Variants in MINDY3 observed in about 807,000 individuals in gnomAD.
MINDY3 encodes MINDY lysine 48 deubiquitinase 3, also known as ubiquitin carboxyl-terminal hydrolase MINDY-3.
A neutral mutation model predicts 69.2 loss-of-function variants in MINDY3; 38 were observed. The ratio of observed to expected loss-of-function variants is 0.55; its 90% CI spans 0.42 to 0.72. MINDY3 has a LOEUF of 0.72. MINDY3 is among the 30% of genes least tolerant of loss of function. The pLI is 0.00. For missense variants in MINDY3, 522 were observed against 519.0 expected (o/e 1.01, Z -0.06); for synonymous variants, 192 against 180.1 (o/e 1.07, Z -0.53).
intron 1 of MINDY3, among the ~76,000 whole-genome samples, chr10:15,858,416 A>G (rs1422989086): frequency 1.3e-5 from 2 of 152,216 alleles, no homozygotes; most frequent in African/African-American, 4.8e-5. Flanking sequence ...AATTGTCAGG[A>G]AAAAGCCAAA....
rs578146605 is a variant in MINDY3, at chr10:15,799,371, G to T, written c.883-3199C>A. Among the ~76,000 whole-genome samples, 357 of 151,946 alleles carry T rather than the reference G, an allele frequency of 2.3e-3. 1 individual carries two copies. Among genetic ancestry groups the T allele is most frequent in the Non-Finnish European group, 4.0e-3 (275 of 67,956 alleles). ...CCACCACCATGCCCGGCTAATTTTT[G>T]TATTTTTAGTAGAGACCGGGTTTCA... On this transcript the variant is annotated intron_variant, in intron 10 of 14. Coordinates refer to ENST00000277632, the MANE Select transcript of MINDY3 (RefSeq NM_024948.4).
chr10:15,797,636 G>T (rs968519630), intron 10 of MINDY3, among the ~76,000 whole-genome samples: 1 of 152,016 alleles, frequency 6.6e-6, no homozygotes, highest in Non-Finnish European at 1.5e-5. Flanking sequence ...CACCAGAGTG[G>T]GATGGCTGGG....
chr10:15,792,633 A>G (rs960882442), intron 11 of MINDY3, among the ~76,000 whole-genome samples: 5 of 152,134 alleles, frequency 3.3e-5, no homozygotes, highest in African/African-American at 1.2e-4. Context: ...ATTCTTAAAG[A>G]TTAAAAAAAT....
intron 6 of MINDY3, 48 bp downstream of exon 6, chr10:15,837,156 A>G: frequency 9.7e-7 from 1 of 1,029,794 alleles, no homozygotes; most frequent in Non-Finnish European, 1.5e-6. Flanking sequence ...GAAAAACAGC[A>G]CTGAACAACA....
chr10:15,779,034 A>T lies in MINDY3; in HGVS notation c.1296T>A (p.Ile432=). ...AGCGATCTGTGGTCCAGAGTAACTC[A>T]ATGTATGGCCATTTGGTTTGCAGAC... ...KRCLQTKWPY[I]ELLWTTDRSP... is the part of the protein sequence containing the mutation. Residue 432 remains isoleucine (I), a synonymous_variant, in exon 15 of 15, where the codon ATT becomes ATA. Transcript: ENST00000277632. The T allele has an allele frequency of 6.2e-7, 1 of 1,613,600 alleles. No individual in the cohort carries two copies. Among genetic ancestry groups the T allele is most frequent in the South Asian group, 1.1e-5 (1 of 91,046 alleles).
Position 15,846,365 on chromosome 10 carries a change from T to G in MINDY3, c.174+1499A>C, listed in dbSNP as rs80333123. 8.0e-3 allele frequency among the ~76,000 whole-genome samples: 1,222 copies of G among 152,298 alleles called. 12 individuals are homozygous for G. The highest frequency in any genetic ancestry group is 0.028 in the African/African-American group (1,158 of 41,558). On this transcript the variant is annotated intron_variant, in intron 2 of 14. Coordinates refer to ENST00000277632, the MANE Select transcript of MINDY3 (RefSeq NM_024948.4). ...GTATTTATATAATCTAATTTACATA[T>G]GGACATAACAAGGAATCTTCAAATT...
intron 13 of MINDY3, among the ~76,000 whole-genome samples, chr10:15,782,722 T>C (rs925781725): frequency 6.6e-6 from 1 of 152,188 alleles, no homozygotes; most frequent in African/African-American, 2.4e-5. Flanking sequence ...ATTTGAATAT[T>C]GTCAACCATT....
At chr10:15,781,545 A>T (rs1836532246) in intron 14 of MINDY3, among the ~76,000 whole-genome samples, 1 of 152,036 alleles carries the variant, frequency 6.6e-6, no homozygotes. Context: ...GCAGTGAATC[A>T]CCTATGTGCT....
At chr10:15,787,859 T>G (rs368560629) in intron 12 of MINDY3, among the ~76,000 whole-genome samples, 1 of 152,142 alleles carries the variant, frequency 6.6e-6, no homozygotes, top group Non-Finnish European at 1.5e-5. Context: ...TTAATTCATT[T>G]AATCCTTAGG....
chr10:15,823,143 C>A (rs1839881394), intron 8 of MINDY3, among the ~76,000 whole-genome samples: 1 of 152,086 alleles, frequency 6.6e-6, no homozygotes, highest in Admixed American at 6.6e-5. Context: ...AAGGCAAGAG[C>A]TGACAGTTTA....
At position 15,855,030 on chromosome 10, in the gene MINDY3, G is replaced by A. The variant is rs185112800; in HGVS notation, c.94+5176C>T. Among the ~76,000 whole-genome samples the A allele has an allele frequency of 3.9e-5, 6 of 152,234 alleles. No homozygotes were observed. The East Asian group carries it at 7.7e-4, about 20-fold the overall frequency. Reference sequence around the variant, plus strand: ...TAAACTTTTCGTGTATGAAATTAAAGTGTGAATTAGTAATGGATCTTGCCT... The same window carrying A: ...TAAACTTTTCGTGTATGAAATTAAAATGTGAATTAGTAATGGATCTTGCCT... On this transcript the variant is annotated intron_variant, in intron 1 of 14. Transcript: ENST00000277632.
intron 1 of MINDY3, among the ~76,000 whole-genome samples, chr10:15,854,004 T>TAATG: frequency 6.6e-6 from 1 of 152,242 alleles, no homozygotes; most frequent in Middle Eastern, 3.4e-3. Context: ...TGGTATGGTA[T>TAATG]AATGACATAC....
chr10:15,853,531 A>G (rs1834457683), intron 1 of MINDY3, among the ~76,000 whole-genome samples: 1 of 152,042 alleles, frequency 6.6e-6, no homozygotes, highest in African/African-American at 2.4e-5. Context: ...GAGCCAATTT[A>G]AGAACATACT....
At chr10:15,815,032 T>G (rs1463195104) in intron 10 of MINDY3, among the ~76,000 whole-genome samples, 1 of 152,206 alleles carries the variant, frequency 6.6e-6, no homozygotes, top group African/African-American at 2.4e-5. Flanking sequence ...ATTCAACACT[T>G]TTAGTTTCAT....
chr10:15,827,176 T>TAAAAAAAAAAAAA (rs56332799), intron 8 of MINDY3, among the ~76,000 whole-genome samples: 2 of 44,858 alleles, frequency 4.5e-5, no homozygotes, highest in African/African-American at 1.1e-4. Context: ...ATAACAGGAG[T>TAAAAAAAAAAAAA]AAAAAAAAAA....
At chr10:15,815,176 A>G (rs1839270344) in intron 10 of MINDY3, among the ~76,000 whole-genome samples, 2 of 152,352 alleles carry the variant, frequency 1.3e-5, no homozygotes, top group South Asian at 4.1e-4. Context: ...TCACTCAGGA[A>G]TTAGTAATTG....
At chr10:15,835,460 A>G (rs764254807) in intron 6 of MINDY3, among the ~76,000 whole-genome samples, 1 of 152,174 alleles carries the variant, frequency 6.6e-6, no homozygotes, top group Non-Finnish European at 1.5e-5. Flanking sequence ...AAGAAGCATG[A>G]GCTCTTGCAT....
At chr10:15,830,450 A>G (rs901752560) in intron 8 of MINDY3, among the ~76,000 whole-genome samples, 5 of 152,258 alleles carry the variant, frequency 3.3e-5, no homozygotes, top group African/African-American at 1.2e-4. Context: ...AAATGGCGCA[A>G]CTGAGATTCC....
rs542252235 is a variant in MINDY3 at position 15,798,165 on chromosome 10, G to A, written c.883-1993C>T. ...TTAAGATACTGCTGGTAATTTCTAA[G>A]TATTATTTAAAACTATGATCTAAAC... On this transcript the variant is annotated intron_variant, in intron 10 of 14. Coordinates refer to ENST00000277632, the MANE Select transcript of MINDY3 (RefSeq NM_024948.4). 2.0e-5 allele frequency among the ~76,000 whole-genome samples: 3 copies of A among 152,112 alleles called. No individual in the cohort carries two copies. In the East Asian group the frequency reaches 5.8e-4, roughly 29 times the overall value.
Sources: gnomAD v4.1 joint callset for allele counts (sites outside exome capture counted in the v4.1 genomes callset) on GRCh38, gnomAD v4.1.1 for gene constraint, MANE v1.5 for transcripts, NCBI Gene and HGNC (gene_info 2026-07-23, HGNC 2026-07-21) for gene names.